GTPBP6: variants seen among roughly 807,000 people sequenced by gnomAD.
The protein encoded by GTPBP6 is GTP binding protein 6, also known as putative GTP-binding protein 6.
A neutral mutation model predicts 28.9 loss-of-function variants in GTPBP6; 33 were observed. That is an observed-to-expected ratio of 1.14 (90% CI 0.87 to 1.53). The LOEUF is 1.53. GTPBP6 is among the 40% of genes most tolerant of loss of function. The pLI, the probability that GTPBP6 is intolerant of heterozygous loss-of-function variation, is 0.00. For missense variants in GTPBP6, 507 were observed against 408.3 expected, an observed-to-expected ratio of 1.24 and a Z score of -2.08; for synonymous variants, 231 against 192.7, an observed-to-expected ratio of 1.20 and a Z score of -1.65.
At chrX:318,332 C>T in intron 1 of GTPBP6, 107 bp downstream of exon 1, 1 of 396,030 alleles carries the variant, frequency 2.5e-6, no homozygotes, top group Non-Finnish European at 4.4e-6. Flanking sequence ...GAGATCGTCC[C>T]TTCAGAGCCC....
exon 9 of GTPBP6, chrX:307,371 C>T: frequency 6.2e-7 from 1 of 1,612,232 alleles, no homozygotes; most frequent in Non-Finnish European, 8.5e-7. Flanking sequence ...TGAGCTGCGC[C>T]CCTGCGAGCC....
intron 1 of GTPBP6, 68 bp downstream of exon 1, chrX:318,371 C>CT (rs1213879451): frequency 1.3e-5 from 5 of 393,430 alleles, no homozygotes; most frequent in Non-Finnish European, 2.2e-5. Flanking sequence ...TATGAGCCCC[C>CT]TCCCCTCAGA....
chrX:312,427 G>A, intron 6 of GTPBP6: 2 of 542,638 alleles, frequency 3.7e-6, no homozygotes, highest in South Asian at 3.1e-5. Context: ...AGATAGGGCA[G>A]TGGGGATGGT....
At chrX:313,735 G>T (rs757877703) in intron 5 of GTPBP6, among the ~76,000 whole-genome samples, 7 of 150,024 alleles carry the variant, frequency 4.7e-5, no homozygotes, top group African/African-American at 1.7e-4. Context: ...GGAGTGACGC[G>T]GCCACAAACC....
At chrX:306,039 C>T (rs1383658977) in intron 9 of GTPBP6, among the ~76,000 whole-genome samples, 2 of 152,230 alleles carry the variant, frequency 1.3e-5, no homozygotes, top group Admixed American at 6.5e-5. Flanking sequence ...CTTGGGGTTA[C>T]AGGCCTGTGC....
At chrX:312,877 C>T (rs1373242892) in exon 6 of GTPBP6, 3 of 1,612,602 alleles carry the variant, frequency 1.9e-6, no homozygotes, top group Admixed American at 3.3e-5. Context: ...CTGATCTTGG[C>T]CTCCTTCTCT....
chrX:318,780 G>C (rs1396997157), exon 1 of GTPBP6: 1 of 307,036 alleles, frequency 3.3e-6, no homozygotes, highest in Admixed American at 5.1e-5. Flanking sequence ...GGCCCGCAGG[G>C]CCCACATGGC....
chrX:314,124 G>A (rs2070377437), intron 5 of GTPBP6, 26 bp downstream of exon 5: 1 of 1,587,602 alleles, frequency 6.3e-7, no homozygotes. Context: ...AGGACCCTCT[G>A]GGACGCCGCG....
chrX:318,644 C>T (rs2070484556), exon 1 of GTPBP6: 3 of 397,428 alleles, frequency 7.5e-6, no homozygotes, highest in Non-Finnish European at 8.9e-6. Context: ...CCCACGGCCC[C>T]TCCAGATTCC....
chrX:307,695 G>A, intron 8 of GTPBP6, 37 bp downstream of exon 8: 3 of 1,459,068 alleles, frequency 2.1e-6, no homozygotes, highest in South Asian at 1.4e-5. Context: ...CGCGTGCAGG[G>A]GAAGGAGACG....
chrX:314,136 C>T lies in GTPBP6; in HGVS notation c.757+14G>A. On this transcript the variant is annotated intron_variant, in intron 5 of 9. Coordinates refer to ENST00000326153, the Ensembl canonical transcript of GTPBP6. ...CCGAGGACCCTCTGGGACGCCGCGC[C>T]CGGCCCGAGTTACCTGACCCCATGA... 6.2e-7 allele frequency: 1 copy of T among 1,608,772 alleles called. No homozygotes were observed. The highest frequency in any genetic ancestry group is 1.7e-5 in the Admixed American group (1 of 59,984).
At chrX:313,210 G>A (rs778488164) in intron 5 of GTPBP6, among the ~76,000 whole-genome samples, 13 of 152,348 alleles carry the variant, frequency 8.5e-5, no homozygotes, top group South Asian at 2.1e-4. Context: ...GCCTCCGAGC[G>A]GGACACGGCC....
At chrX:310,939 T>TCTCA (rs113989402) in intron 7 of GTPBP6, among the ~76,000 whole-genome samples, 56,627 of 151,306 alleles carry the variant, frequency 0.37, 10,980 homozygotes, top group South Asian at 0.56. Flanking sequence ...GAACGGTCAC[T>TCTCA]CTGTCTGTCA....
intron 7 of GTPBP6, among the ~76,000 whole-genome samples, chrX:310,738 C>T (rs190865034): frequency 0.028 from 4,200 of 152,226 alleles, 171 homozygotes; most frequent in African/African-American, 0.089. Flanking sequence ...AGGACCCTCC[C>T]CTAGAGTCTG....
rs1466840686 is a variant in GTPBP6 at position 315,218 on chromosome X, T to C, written c.558+11A>G. 6 of 398,484 alleles carry C rather than the reference T, an allele frequency of 1.5e-5. No homozygotes were observed. The highest frequency in any genetic ancestry group is 2.2e-5 in the Non-Finnish European group (5 of 226,094). The allele number at this position is 398,484 out of a possible 1,614,324, so 24.7% of individuals were successfully genotyped here. A position where few individuals can be genotyped will look rare whatever the true frequency, so the allele number is the denominator to read the frequency against. On this transcript the variant is annotated intron_variant, in intron 3 of 9. Coordinates refer to ENST00000326153, the Ensembl canonical transcript of GTPBP6. ...GCGGGGACAAACACAGCAAGCCACA[T>C]CCTGTGGTACCTTGGTCGGGGCAGC...
intron 5 of GTPBP6, 150 bp from the exon 6 acceptor site, chrX:313,074 C>T (rs1404067360): frequency 1.1e-5 from 7 of 645,604 alleles, no homozygotes; most frequent in Middle Eastern, 4.3e-4. Flanking sequence ...GGCCCCGACA[C>T]GTCCTGTTCC....
At chrX:307,559 C>A in intron 8 of GTPBP6, 47 bp from the exon 9 acceptor site, 1 of 1,591,666 alleles carries the variant, frequency 6.3e-7, no homozygotes, top group Non-Finnish European at 8.6e-7. Context: ...TCGGGGCGGC[C>A]GGACGAAATC....
chrX:306,461 CAG>C (rs1209575528), intron 9 of GTPBP6, among the ~76,000 whole-genome samples: 4 of 140,042 alleles, frequency 2.9e-5, no homozygotes, highest in Admixed American at 2.8e-4. Context: ...TATCCACAGT[CAG>C]AAATGTACAT....
chrX:307,793 G>A, exon 8 of GTPBP6: 1 of 1,547,004 alleles, frequency 6.5e-7, no homozygotes. Context: ...GGGGCGGGCA[G>A]CTGCAGGCCA....
Sources: allele counts gnomAD v4.1 joint callset (sites outside exome capture counted in the v4.1 genomes callset), GRCh38; gene constraint gnomAD v4.1.1; transcripts MANE v1.5; gene names NCBI Gene and HGNC (gene_info 2026-07-23, HGNC 2026-07-21).